Variants in SLC4A7 observed in about 807,000 individuals in gnomAD.
The protein encoded by SLC4A7 is solute carrier family 4 member 7.
Under a neutral mutation model 137.6 loss-of-function variants are expected in SLC4A7, and 51 were observed. The ratio of observed to expected loss-of-function variants is 0.37; its 90% confidence interval spans 0.30 to 0.47. The LOEUF is 0.47. Ranked by LOEUF, SLC4A7 falls within the 20% of genes least tolerant of loss-of-function variation. The pLI is 1.00. For missense variants in SLC4A7, 1,247 were observed against 1,525.4 expected (o/e 0.82, Z 3.04); for synonymous variants, 542 against 518.6 (o/e 1.05, Z -0.61).
At chr3:27,466,716 G>A (rs371788797) in intron 1 of SLC4A7, among the ~76,000 whole-genome samples, 14 of 151,894 alleles carry the variant, frequency 9.2e-5, no homozygotes, top group Admixed American at 3.3e-4. Context: ...AATTAGCCCC[G>A]CGTGCTGGTG....
At chr3:27,439,218 C>A (rs1281378544) in intron 3 of SLC4A7, among the ~76,000 whole-genome samples, 1 of 151,918 alleles carries the variant, frequency 6.6e-6, no homozygotes, top group Admixed American at 6.6e-5. Context: ...TCAGAGAATG[C>A]AGAAACAACA....
rs757872985 is a variant in SLC4A7 at position 27,383,190 on chromosome 3, T to C, written c.3553A>G (p.Ser1185Gly). ...GCCTTGACTGGAATTTGCAAGAGAC[T>C]TCCCCCTTCAAATGGAAGGTGCACA... ...DTVHLPFEGG[S>G]LLQIPVKALK... Residue 1185 changes from serine to glycine, a missense_variant, in exon 24 of 26, where the codon AGT (serine) becomes GGT (glycine). Physicochemically the swap from Ser to Gly is moderately conservative, Grantham distance 56. Transcript: ENST00000454389. 4.3e-6 allele frequency: 7 copies of C among 1,613,206 alleles called. No individual in the cohort carries two copies. The highest frequency in any genetic ancestry group is 2.2e-5 in the East Asian group (1 of 44,878).
intron 1 of SLC4A7, among the ~76,000 whole-genome samples, chr3:27,463,871 A>C (rs1028962773): frequency 1.3e-5 from 2 of 152,150 alleles, no homozygotes; most frequent in African/African-American, 4.8e-5. Flanking sequence ...CTTACCTTTC[A>C]AAGTGTCTGC....
rs1049697820 is a variant in SLC4A7 at position 27,452,307 on chromosome 3, CAAT to C, written c.142+107_142+109del. The C allele has an allele frequency of 7.3e-5, 51 of 697,796 alleles. No homozygotes were observed. The Admixed American group carries it at 1.5e-3, about 20-fold the overall frequency. The allele number at this position is 697,796 out of a possible 1,614,324, so 43.2% of individuals were successfully genotyped here. On this transcript the variant is annotated intron_variant, in intron 2 of 25. Transcript: ENST00000454389. ...TCTCAATGTACGCTTTACCTTACAA[CAAT>C]AACAAAAAAACTCAACAAATACTAG...
At position 27,420,474 on chromosome 3, in the gene SLC4A7, T is replaced by A. The variant is rs377571989; in HGVS notation, c.1512+226A>T. Among the ~76,000 whole-genome samples, 24 of 152,144 alleles carry A rather than the reference T, an allele frequency of 1.6e-4. No individual in the cohort carries two copies. The South Asian group carries it at 4.8e-3, about 30-fold the overall frequency. On this transcript the variant is annotated intron_variant, in intron 10 of 25. Transcript: ENST00000454389. ...CAAGAAGGTAGTCAATAATTACAAA[T>A]GTTTAAAACAAAAAAAAATTTTTAA...
intron 18 of SLC4A7, among the ~76,000 whole-genome samples, chr3:27,395,840 A>C (rs540450645): frequency 1.9e-4 from 29 of 152,322 alleles, no homozygotes; most frequent in Non-Finnish European, 3.7e-4. Flanking sequence ...CAATCTATCC[A>C]CTAAACTCCT....
rs771667540 is a variant in SLC4A7 at position 27,391,665 on chromosome 3, C to T, written c.3186+75G>A. ...TGTCAGAGTTGAGAATAAATCACTA[C>T]CATCATTAAAACAATCTTTGCATAC... On this transcript the variant is annotated intron_variant, in intron 21 of 25. Transcript: ENST00000454389. 5 of 840,670 alleles carry T rather than the reference C, an allele frequency of 5.9e-6. No homozygotes were observed. In the African/African-American group the frequency reaches 6.9e-5, roughly 12 times the overall value. The allele number at this position is 840,670 out of a possible 1,614,324, so 52.1% of individuals were successfully genotyped here. A position where few individuals can be genotyped will look rare whatever the true frequency, so the allele number is the denominator to read the frequency against.
chr3:27,478,524 A>C (rs1159644656), intron 1 of SLC4A7, among the ~76,000 whole-genome samples: 1 of 151,794 alleles, frequency 6.6e-6, no homozygotes, highest in Admixed American at 6.6e-5. Flanking sequence ...AAAAAAAAAA[A>C]AAAAAACCCA....
intron 24 of SLC4A7, among the ~76,000 whole-genome samples, chr3:27,382,307 G>T (rs2050505104): frequency 1.3e-5 from 2 of 151,872 alleles, no homozygotes; most frequent in African/African-American, 4.8e-5. Context: ...GTAGAGACAG[G>T]TTTCCCCATG....
intron 4 of SLC4A7, 86 bp downstream of exon 4, chr3:27,437,302 G>C (rs2056809246): frequency 1.2e-6 from 1 of 801,350 alleles, no homozygotes; most frequent in Admixed American, 3.2e-5. Flanking sequence ...AGTGAGCCCA[G>C]ATCGCACCAT....
chr3:27,399,391 A>G (rs2052527308), intron 16 of SLC4A7, among the ~76,000 whole-genome samples: 1 of 152,182 alleles, frequency 6.6e-6, no homozygotes, highest in Non-Finnish European at 1.5e-5. Flanking sequence ...CTTAACAAAA[A>G]TGACTTTTTA....
intron 11 of SLC4A7, among the ~76,000 whole-genome samples, chr3:27,415,483 C>T (rs2054295426): frequency 6.6e-6 from 1 of 152,196 alleles, no homozygotes; most frequent in South Asian, 2.1e-4. Flanking sequence ...CTGGTGCTCA[C>T]TAATCTTTCT....
intron 21 of SLC4A7, 188 bp from the exon 22 acceptor site, chr3:27,390,292 C>A: frequency 8.1e-6 from 3 of 371,436 alleles, no homozygotes; most frequent in East Asian, 5.0e-5. Flanking sequence ...GGGAGGGTGG[C>A]AGGTGGGAAC....
intron 12 of SLC4A7, among the ~76,000 whole-genome samples, chr3:27,410,528 ACT>A (rs1234811303): frequency 2.0e-5 from 3 of 152,226 alleles, no homozygotes; most frequent in Admixed American, 6.5e-5. Flanking sequence ...GACAAGTAGT[ACT>A]CTGTTCATAA....
chr3:27,429,315 T>A (rs957355183), intron 7 of SLC4A7, among the ~76,000 whole-genome samples: 1 of 150,958 alleles, frequency 6.6e-6, no homozygotes, highest in Non-Finnish European at 1.5e-5. Context: ...AAAATAATAA[T>A]TTTTTGCTAA....
chr3:27,458,382 G>T (rs58334388), intron 1 of SLC4A7, among the ~76,000 whole-genome samples: 19,447 of 152,052 alleles, frequency 0.13, 1,224 homozygotes, highest in Middle Eastern at 0.19. Context: ...AGCAAAATAA[G>T]AAATAAATCT....
intron 10 of SLC4A7, among the ~76,000 whole-genome samples, chr3:27,420,195 A>G (rs1372973827): frequency 6.6e-6 from 1 of 151,954 alleles, no homozygotes; most frequent in Non-Finnish European, 1.5e-5. Flanking sequence ...GAAAAAGAAA[A>G]AGAAAAATTA....
chr3:27,462,143 C>T (rs2150631600), intron 1 of SLC4A7, among the ~76,000 whole-genome samples: 1 of 152,164 alleles, frequency 6.6e-6, no homozygotes, highest in South Asian at 2.1e-4. Flanking sequence ...TTTAAATTCA[C>T]ATTTAAAACT....
chr3:27,457,689 T>C (rs1215074821), intron 1 of SLC4A7, among the ~76,000 whole-genome samples: 1 of 152,204 alleles, frequency 6.6e-6, no homozygotes, highest in East Asian at 1.9e-4. Context: ...TTGGAATGTA[T>C]GTGTTCACAG....
Sources: allele counts gnomAD v4.1 joint callset (sites outside exome capture counted in the v4.1 genomes callset), GRCh38; gene constraint gnomAD v4.1.1; transcripts MANE v1.5; gene names NCBI Gene and HGNC (gene_info 2026-07-23, HGNC 2026-07-21).